Variants in TM9SF3 observed in about 807,000 individuals in gnomAD.
TM9SF3 encodes SM-11044-binding protein.
In TM9SF3, 14 loss-of-function variants were observed where a neutral mutation model predicts 78.6. The observed-to-expected ratio is 0.18, with a 90% confidence interval of 0.12 to 0.28. The LOEUF is 0.28. Among genes scored for constraint, TM9SF3 ranks in the 10% least tolerant of loss-of-function variants. The pLI is 1.00. For missense variants in TM9SF3, 496 were observed against 721.9 expected (o/e 0.69, Z 3.59); for synonymous variants, 231 against 241.7 (o/e 0.96, Z 0.41).
rs1228497000 is a variant in TM9SF3, at chr10:96,530,966, G to T, written c.1326-358C>A. 2.0e-5 allele frequency among the ~76,000 whole-genome samples: 3 copies of T among 152,072 alleles called. No individual in the cohort carries two copies. In the East Asian group the frequency reaches 5.8e-4, roughly 29 times the overall value. On this transcript the variant is annotated intron_variant, in intron 10 of 14. Coordinates refer to ENST00000371142, the MANE Select transcript of TM9SF3 (RefSeq NM_020123.4). Reference sequence around the variant, plus strand: ...TTATTCACAAAAAGCCAAAGGGAAAGAAACGAAGAGTCTAGAGACCTCCAT... The same window carrying T: ...TTATTCACAAAAAGCCAAAGGGAAATAAACGAAGAGTCTAGAGACCTCCAT...
At chr10:96,560,613 C>T (rs1848294837) in intron 4 of TM9SF3, 1 of 660,224 alleles carries the variant, frequency 1.5e-6, no homozygotes, top group South Asian at 1.4e-5. Context: ...GTGATCTGTC[C>T]CTGGAGGTGG....
At position 96,560,368 on chromosome 10, in the gene TM9SF3, G is replaced by C. The variant is rs1270043779; in HGVS notation, c.583-632C>G. The C allele has an allele frequency of 3.5e-5, 26 of 739,012 alleles. No homozygotes were observed. The East Asian group carries it at 6.6e-4, about 19-fold the overall frequency. 45.8% of individuals were successfully genotyped at this position (739,012 alleles called of 1,614,324 possible). ...AAAGGATGAATTGCATATTGTTGAAGCAGAGGCAATGAATTATGAAGGCAG... is the reference window on the plus strand; with the variant it reads ...AAAGGATGAATTGCATATTGTTGAACCAGAGGCAATGAATTATGAAGGCAG... On this transcript the variant is annotated intron_variant, in intron 4 of 14. Transcript: ENST00000371142.
chr10:96,578,401 T>C (rs1848521997), intron 1 of TM9SF3, among the ~76,000 whole-genome samples: 1 of 152,078 alleles, frequency 6.6e-6, no homozygotes, highest in Admixed American at 6.5e-5. Context: ...ATTAAGGTAA[T>C]AAAGGGCTAT....
Position 96,518,964 on chromosome 10 carries a change from C to T in TM9SF3, c.*3299G>A, listed in dbSNP as rs1395485084. The T allele has an allele frequency of 6.6e-6, 1 of 152,040 alleles. No homozygotes were observed. The highest frequency in any genetic ancestry group is 1.5e-5 in the Non-Finnish European group (1 of 67,938). 9.4% of individuals were successfully genotyped at this position (152,040 alleles called of 1,614,324 possible). On this transcript the variant is annotated 3_prime_UTR_variant, in exon 15 of 15. Coordinates refer to ENST00000371142, the MANE Select transcript of TM9SF3 (RefSeq NM_020123.4). ...TCCAATAAACCAATAGAATGAAGCA[C>T]TAAGACACGGTGAAATCTAAACTTA...
At position 96,567,381 on chromosome 10, in the gene TM9SF3, G is replaced by A. The variant is rs113550686; in HGVS notation, c.299-1955C>T. 8.5e-3 allele frequency among the ~76,000 whole-genome samples: 1,292 copies of A among 152,186 alleles called. 21 individuals are homozygous for A. Among genetic ancestry groups the A allele is most frequent in the African/African-American group, 0.03 (1,230 of 41,522 alleles). Reference sequence around the variant, plus strand: ...ATTACAGGCGTGAGCCACCGCACCCGGCCAATCTGTATAAAGCTTTTAAAA... The same window carrying A: ...ATTACAGGCGTGAGCCACCGCACCCAGCCAATCTGTATAAAGCTTTTAAAA... On this transcript the variant is annotated intron_variant, in intron 2 of 14. Coordinates refer to ENST00000371142, the MANE Select transcript of TM9SF3 (RefSeq NM_020123.4).
At chr10:96,585,335 A>G (rs1848616978) in intron 1 of TM9SF3, among the ~76,000 whole-genome samples, 1 of 152,224 alleles carries the variant, frequency 6.6e-6, no homozygotes, top group South Asian at 2.1e-4. Flanking sequence ...CCAAATCTAT[A>G]CATGGTCCCT....
chr10:96,535,595 G>A (rs545876060), intron 9 of TM9SF3, among the ~76,000 whole-genome samples: 2 of 152,192 alleles, frequency 1.3e-5, no homozygotes, highest in South Asian at 4.2e-4. Flanking sequence ...CAGCTAAGAG[G>A]GTCTAATATA....
chr10:96,548,117 G>T (rs1251947249), intron 7 of TM9SF3, 128 bp from the exon 8 acceptor site: 3 of 577,132 alleles, frequency 5.2e-6, no homozygotes, highest in African/African-American at 3.8e-5. Context: ...TCACAACCTG[G>T]ACTACAAATA....
At chr10:96,525,137 C>A (rs10509711) in intron 14 of TM9SF3, among the ~76,000 whole-genome samples, 63,791 of 151,690 alleles carry the variant, frequency 0.42, 14,467 homozygotes, top group South Asian at 0.55. Context: ...CGATTCTATA[C>A]CTCACTGAAT....
At chr10:96,544,233 TTAATA>T in intron 8 of TM9SF3, 27 bp from the exon 9 acceptor site, 1 of 1,531,088 alleles carries the variant, frequency 6.5e-7, no homozygotes, top group Non-Finnish European at 8.8e-7. Flanking sequence ...CTATGAAAGT[TTAATA>T]TAATTATTTA....
intron 9 of TM9SF3, among the ~76,000 whole-genome samples, chr10:96,533,851 G>T (rs189448090): frequency 2.8e-4 from 42 of 152,216 alleles, no homozygotes; most frequent in Non-Finnish European, 5.0e-4. Flanking sequence ...AAGACCATAC[G>T]GAGATTTTAG....
intron 2 of TM9SF3, among the ~76,000 whole-genome samples, chr10:96,574,340 T>G (rs1324060836): frequency 3.9e-5 from 6 of 152,116 alleles, no homozygotes; most frequent in Non-Finnish European, 7.4e-5. Flanking sequence ...TCATCACCGG[T>G]CACTAGAGAA....
chr10:96,534,466 G>C (rs1415604791), intron 9 of TM9SF3, among the ~76,000 whole-genome samples: 1 of 152,004 alleles, frequency 6.6e-6, no homozygotes. Flanking sequence ...AATATGGGGA[G>C]TGATAAATTC....
chr10:96,573,578 C>T lies in TM9SF3; in HGVS notation c.298+3056G>A, dbSNP rs146394444. On this transcript the variant is annotated intron_variant, in intron 2 of 14. Coordinates refer to ENST00000371142, the MANE Select transcript of TM9SF3 (RefSeq NM_020123.4). ...CTCTTCTTTTTTTAATCTGAAAGTG[C>T]TTAGCTTAGTCTGAAAAGAAAATAA... Among the ~76,000 whole-genome samples, 335 of 152,216 alleles carry T rather than the reference C, an allele frequency of 2.2e-3. 1 individual carries two copies. The highest frequency in any genetic ancestry group is 3.9e-3 in the Non-Finnish European group (264 of 68,014).
chr10:96,567,101 T>TG (rs1848383416), intron 2 of TM9SF3, among the ~76,000 whole-genome samples: 1 of 142,950 alleles, frequency 7.0e-6, no homozygotes, highest in Non-Finnish European at 1.5e-5. Context: ...TTTTTTTTTT[T>TG]GAGACGGAGT....
At chr10:96,567,413 TCA>T (rs1206646429) in intron 2 of TM9SF3, among the ~76,000 whole-genome samples, 15 of 152,198 alleles carry the variant, frequency 9.9e-5, no homozygotes, top group African/African-American at 3.6e-4. Flanking sequence ...AAAAGATTCC[TCA>T]GAGTCTGGAT....
intron 6 of TM9SF3, 109 bp from the exon 7 acceptor site, chr10:96,551,520 C>T (rs1589453879): frequency 2.9e-6 from 2 of 688,282 alleles, no homozygotes; most frequent in East Asian, 6.3e-5. Context: ...AAATTTATAG[C>T]TAAAGAAATA....
At chr10:96,559,798 A>G in intron 4 of TM9SF3, 62 bp from the exon 5 acceptor site, 1 of 944,716 alleles carries the variant, frequency 1.1e-6, no homozygotes, top group Non-Finnish European at 1.6e-6. Flanking sequence ...TCTGATGACA[A>G]AACTCTGAGC....
chr10:96,525,380 A>G (rs1042635669), intron 14 of TM9SF3, among the ~76,000 whole-genome samples: 1 of 152,084 alleles, frequency 6.6e-6, no homozygotes. Context: ...ACATGTGACT[A>G]TAACATAGAG....
Sources: allele counts gnomAD v4.1 joint callset (sites outside exome capture counted in the v4.1 genomes callset), GRCh38; gene constraint gnomAD v4.1.1; transcripts MANE v1.5; gene names NCBI Gene and HGNC (gene_info 2026-07-23, HGNC 2026-07-21).